The following DPP6 variants were observed in gnomAD, a reference collection of about 807,000 sequenced individuals.
The protein encoded by DPP6 is A-type potassium channel modulatory protein DPP6.
DPP6 carries 69 observed loss-of-function variants against 122.6 expected under a neutral mutation model. The observed-to-expected ratio is 0.56, with a 90% confidence interval of 0.46 to 0.69. The LOEUF (loss-of-function observed/expected upper bound fraction) is 0.69. DPP6 is among the 30% of genes least tolerant of loss of function. DPP6 has a pLI of 0.00. For synonymous variants in DPP6, 418 were observed against 433.1 expected (o/e 0.97, Z 0.43); for missense variants, 928 against 1,116.9 (o/e 0.83, Z 2.41).
chr7:153,895,728 G>GCGCGCACACA (rs1563214263), intron 1 of DPP6, among the ~76,000 whole-genome samples: 2 of 149,832 alleles, frequency 1.3e-5, no homozygotes, highest in Non-Finnish European at 3.0e-5. Context: ...GTGCATGCGT[G>GCGCGCACACA]CACACACACA....
chr7:154,525,980 T>C (rs1468334620), intron 3 of DPP6, among the ~76,000 whole-genome samples: 1 of 152,218 alleles, frequency 6.6e-6, no homozygotes, highest in Non-Finnish European at 1.5e-5. Flanking sequence ...AGTTATCATG[T>C]TGCGTACTTT....
chr7:154,437,952 T>C (rs1268034588), intron 1 of DPP6, among the ~76,000 whole-genome samples: 5 of 150,612 alleles, frequency 3.3e-5, no homozygotes, highest in Non-Finnish European at 5.9e-5. Flanking sequence ...AACATAAAAA[T>C]AAAATAAAAC....
intron 1 of DPP6, among the ~76,000 whole-genome samples, chr7:153,946,906 C>G (rs1194189746): frequency 6.6e-6 from 1 of 152,038 alleles, no homozygotes; most frequent in Non-Finnish European, 1.5e-5. Flanking sequence ...AGCAGTTTAA[C>G]TTTTCCCGAC....
intron 1 of DPP6, among the ~76,000 whole-genome samples, chr7:154,077,924 C>T (rs1803686715): frequency 6.6e-6 from 1 of 152,080 alleles, no homozygotes; most frequent in African/African-American, 2.4e-5. Context: ...CCTCCTCGGC[C>T]TCCCAAAGTG....
intron 16 of DPP6, among the ~76,000 whole-genome samples, chr7:154,848,185 C>T (rs1802092103): frequency 6.6e-6 from 1 of 152,094 alleles, no homozygotes. Context: ...GATCTTTACA[C>T]AGCAGTGAGA....
intron 1 of DPP6, among the ~76,000 whole-genome samples, chr7:154,212,608 C>T (rs887595882): frequency 1.3e-5 from 2 of 152,170 alleles, no homozygotes; most frequent in African/African-American, 4.8e-5. Context: ...TGATCGAGGT[C>T]TCGGAGCTCA....
At chr7:154,214,454 T>G (rs9791911) in intron 1 of DPP6, among the ~76,000 whole-genome samples, 116,605 of 151,862 alleles carry the variant, frequency 0.77, 44,927 homozygotes, top group Non-Finnish European at 0.79. Flanking sequence ...AATGATGAAT[T>G]ATTAAATAAA....
In DPP6 at chr7:154,833,482, G is replaced by A. The variant is rs1320209526; in HGVS notation, c.1667-20298G>A. Among the ~76,000 whole-genome samples the A allele has an allele frequency of 6.6e-6, 1 of 152,198 alleles. No individual in the cohort carries two copies. The highest frequency in any genetic ancestry group is 1.5e-5 in the Non-Finnish European group (1 of 68,036). On this transcript the variant is annotated intron_variant, in intron 16 of 25. Coordinates refer to ENST00000377770, the MANE Select transcript of DPP6 (RefSeq NM_130797.4). This position sits in a 1 kb window ranked among gnomAD's most constrained non-coding sequence, Gnocchi z 4.3. ...AATTTGGGATAGTAGTACCAGCCTT[G>A]TACGGCTGACGAAGTGTAAATTATT... is the stretch of plus-strand genomic sequence containing the variant.
At chr7:154,320,162 G>T (rs1316373996) in intron 1 of DPP6, among the ~76,000 whole-genome samples, 1 of 151,884 alleles carries the variant, frequency 6.6e-6, no homozygotes, top group Non-Finnish European at 1.5e-5. Flanking sequence ...TTCCAACATA[G>T]AAGCAATATA....
At chr7:154,543,668 G>C (rs2130289100) in intron 4 of DPP6, among the ~76,000 whole-genome samples, 1 of 152,202 alleles carries the variant, frequency 6.6e-6, no homozygotes, top group Admixed American at 6.5e-5. Context: ...TAGAAATCAT[G>C]AAATATTTCA....
intron 1 of DPP6, among the ~76,000 whole-genome samples, chr7:154,336,663 G>A (rs1425126822): frequency 6.6e-6 from 1 of 152,202 alleles, no homozygotes; most frequent in Non-Finnish European, 1.5e-5. Context: ...ATTCAGAGTT[G>A]TGGGGAGAAA....
intron 3 of DPP6, among the ~76,000 whole-genome samples, chr7:154,525,175 A>G (rs377014460): frequency 6.6e-6 from 1 of 152,178 alleles, no homozygotes; most frequent in East Asian, 1.9e-4. Context: ...ACAGGGTCTC[A>G]CTCTGTTACC....
chr7:153,998,165 A>G (rs1797530348), intron 1 of DPP6, among the ~76,000 whole-genome samples: 1 of 152,108 alleles, frequency 6.6e-6, no homozygotes, highest in African/African-American at 2.4e-5. Flanking sequence ...CAGCTTCACA[A>G]AGACGTATCT....
At chr7:154,309,514 C>T (rs1195214896) in intron 1 of DPP6, among the ~76,000 whole-genome samples, 5 of 152,106 alleles carry the variant, frequency 3.3e-5, no homozygotes, top group African/African-American at 9.7e-5. Flanking sequence ...GGTGGCCTCC[C>T]GGAAGGGCAC....
At position 154,483,100 on chromosome 7, in the gene DPP6, G is replaced by C. The variant is rs1229041624; in HGVS notation, c.457+8063G>C. 6.6e-6 allele frequency among the ~76,000 whole-genome samples: 1 copy of C among 152,142 alleles called. No individual in the cohort carries two copies. Among genetic ancestry groups the C allele is most frequent in the Non-Finnish European group, 1.5e-5 (1 of 68,002 alleles). On this transcript the variant is annotated intron_variant, in intron 3 of 25. Transcript: ENST00000377770. This position sits in a 1 kb window ranked among gnomAD's most constrained non-coding sequence, Gnocchi z 8.1. ...TGCTCAGAGCCTCTCGGAGGGAAGA[G>C]GGGAAGAGGGACACGGAGGTGTCTG...
At chr7:153,956,272 A>G (rs766260603) in intron 1 of DPP6, among the ~76,000 whole-genome samples, 15 of 152,100 alleles carry the variant, frequency 9.9e-5, no homozygotes, top group Non-Finnish European at 1.2e-4. Flanking sequence ...ATCACCATTC[A>G]GAAGGGAGAC....
At chr7:154,132,300 T>G (rs182774505) in intron 1 of DPP6, among the ~76,000 whole-genome samples, 8 of 152,332 alleles carry the variant, frequency 5.3e-5, no homozygotes, top group Admixed American at 2.6e-4. Flanking sequence ...CAAGAGAGGT[T>G]TTTGATGTCT....
At chr7:153,881,742 G>A in the DPP6 span, among the ~76,000 whole-genome samples, 1 of 152,090 alleles carries the variant, frequency 6.6e-6, no homozygotes, top group Non-Finnish European at 1.5e-5. Context: ...CCAGGTGATA[G>A]TGTACTGAAC....
intron 7 of DPP6, among the ~76,000 whole-genome samples, chr7:154,717,452 G>A (rs1339109163): frequency 4.6e-5 from 7 of 152,042 alleles, no homozygotes; most frequent in Admixed American, 4.6e-4. Flanking sequence ...ACTTCTATGA[G>A]AGCAATGTTT....
Sources: allele counts gnomAD v4.1 joint callset (sites outside exome capture counted in the v4.1 genomes callset), GRCh38; gene constraint gnomAD v4.1.1; non-coding constraint Gnocchi (gnomAD v3.1); transcripts MANE v1.5; gene names NCBI Gene and HGNC (gene_info 2026-07-23, HGNC 2026-07-21).